The following AGO3 variants were observed in gnomAD, a reference collection of about 807,000 sequenced individuals.
The protein encoded by AGO3 is argonaute RISC catalytic component 3, also known as protein argonaute-3.
Under a neutral mutation model 105.5 loss-of-function variants are expected in AGO3, and 16 were observed. The observed-to-expected ratio is 0.15, with a 90% CI of 0.10 to 0.23. The LOEUF (loss-of-function observed/expected upper bound fraction) is 0.23. Ranked by LOEUF, AGO3 falls within the 10% of genes least tolerant of loss-of-function variation. AGO3 has a pLI of 1.00. For synonymous variants in AGO3, 340 were observed against 367.3 expected (o/e 0.93, Z 0.85); for missense variants, 534 against 1,088.0 (o/e 0.49, Z 7.16).
chr1:36,005,879 T>G, intron 6 of AGO3: 19 of 985,210 alleles, frequency 1.9e-5, no homozygotes, highest in Non-Finnish European at 2.3e-5. Flanking sequence ...GTTTATAGGT[T>G]AAATATTTAT....
intron 6 of AGO3, among the ~76,000 whole-genome samples, chr1:36,007,064 G>A (rs751784801): frequency 6.6e-6 from 1 of 152,150 alleles, no homozygotes; most frequent in Non-Finnish European, 1.5e-5. Context: ...TACTATCCCT[G>A]GCCTCTACTC....
At position 36,057,579 on chromosome 1, in the gene AGO3, G is replaced by A. The variant is rs2148867520; in HGVS notation, c.*1834G>A. 1 of 152,230 alleles carries A rather than the reference G, an allele frequency of 6.6e-6. No homozygotes were observed. Among genetic ancestry groups the A allele is most frequent in the Non-Finnish European group, 1.5e-5 (1 of 68,034 alleles). The allele number at this position is 152,230 out of a possible 1,614,324, so 9.4% of individuals were successfully genotyped here. A position where few individuals can be genotyped will look rare whatever the true frequency, so the allele number is the denominator to read the frequency against. On this transcript the variant is annotated 3_prime_UTR_variant, in exon 19 of 19. Transcript: ENST00000373191. ...GTCTGCATCTTTACCATGGATAGTA[G>A]GAGGAACAGGCACCTCCATAGTTTA...
chr1:35,986,277 A>T (rs1647174555), intron 5 of AGO3, among the ~76,000 whole-genome samples: 1 of 152,276 alleles, frequency 6.6e-6, no homozygotes, highest in Non-Finnish European at 1.5e-5. Flanking sequence ...GAAACAGCCT[A>T]AATTCCTGTC....
chr1:36,061,348 A>G lies in AGO3; in HGVS notation c.*5603A>G, dbSNP rs529512760. 3.9e-5 allele frequency: 6 copies of G among 152,350 alleles called. No homozygotes were observed. In the East Asian group the frequency reaches 7.7e-4, roughly 20 times the overall value. 9.4% of individuals were successfully genotyped at this position (152,350 alleles called of 1,614,324 possible). A position where few individuals can be genotyped will look rare whatever the true frequency, so the allele number is the denominator to read the frequency against. ...TTTTTAAACTAAGGTATAATGGTCA[A>G]GGCTTGTGCTAATATTACCTACTAC... On this transcript the variant is annotated 3_prime_UTR_variant, in exon 19 of 19. Transcript: ENST00000373191.
chr1:36,047,582 G>C (rs917918005), intron 17 of AGO3, among the ~76,000 whole-genome samples: 2 of 152,034 alleles, frequency 1.3e-5, no homozygotes, highest in Non-Finnish European at 2.9e-5. Context: ...AGAAAAATCT[G>C]CTTAATGAAA....
At chr1:36,044,702 A>G (rs1031315429) in intron 17 of AGO3, among the ~76,000 whole-genome samples, 1 of 152,184 alleles carries the variant, frequency 6.6e-6, no homozygotes, top group Middle Eastern at 3.2e-3. Flanking sequence ...TTGGCCTCCC[A>G]AAGTGCGGGG....
chr1:36,004,921 C>T (rs1287650044), intron 6 of AGO3, among the ~76,000 whole-genome samples: 2 of 151,876 alleles, frequency 1.3e-5, no homozygotes, highest in South Asian at 2.1e-4. Flanking sequence ...GTGGGGCTAG[C>T]CTGTTTCATG....
intron 11 of AGO3, among the ~76,000 whole-genome samples, chr1:36,020,423 T>C (rs555498621): frequency 2.0e-5 from 3 of 152,202 alleles, no homozygotes; most frequent in Non-Finnish European, 2.9e-5. Context: ...GTTTTATATA[T>C]CACTCTGTCT....
At chr1:35,999,519 T>C (rs1047696717) in intron 5 of AGO3, among the ~76,000 whole-genome samples, 1 of 152,214 alleles carries the variant, frequency 6.6e-6, no homozygotes, top group African/African-American at 2.4e-5. Flanking sequence ...TAACTCTGTT[T>C]ATTTGATCTT....
chr1:35,942,216 A>G (rs1246666040), intron 1 of AGO3, among the ~76,000 whole-genome samples: 2 of 152,264 alleles, frequency 1.3e-5, no homozygotes, highest in Admixed American at 6.5e-5. Context: ...TCTACACTGA[A>G]TAAAAGTTAT....
chr1:35,954,969 G>A (rs1646537449), intron 2 of AGO3, among the ~76,000 whole-genome samples: 1 of 152,194 alleles, frequency 6.6e-6, no homozygotes, highest in Admixed American at 6.5e-5. Flanking sequence ...TTGTCCAGTG[G>A]ACAGGGAGAA....
chr1:35,952,806 G>A (rs1037570677), intron 2 of AGO3, among the ~76,000 whole-genome samples: 4 of 152,152 alleles, frequency 2.6e-5, no homozygotes, highest in African/African-American at 9.7e-5. Flanking sequence ...GTATGTGTAA[G>A]CACATTCTAT....
At chr1:36,025,390 A>G (rs545338337) in intron 11 of AGO3, among the ~76,000 whole-genome samples, 2 of 135,632 alleles carry the variant, frequency 1.5e-5, no homozygotes, top group East Asian at 2.1e-4. Context: ...TGATTATCTT[A>G]TTTGGCCTTG....
intron 5 of AGO3, among the ~76,000 whole-genome samples, chr1:35,998,996 A>G (rs1274304001): frequency 6.6e-6 from 1 of 152,174 alleles, no homozygotes; most frequent in Non-Finnish European, 1.5e-5. Flanking sequence ...GTCTAGCCCC[A>G]CAGTCTCTTT....
chr1:36,040,177 G>A (rs1005751224), intron 15 of AGO3, 130 bp from the exon 16 acceptor site: 26 of 1,199,290 alleles, frequency 2.2e-5, no homozygotes, highest in Admixed American at 2.8e-5. Flanking sequence ...TCTAATAATC[G>A]TTAAAATGGA....
At chr1:36,017,179 TA>T (rs1264896496) in intron 11 of AGO3, among the ~76,000 whole-genome samples, 1 of 152,178 alleles carries the variant, frequency 6.6e-6, no homozygotes, top group African/African-American at 2.4e-5. Context: ...TGAGAGAATA[TA>T]GTATCCCAGG....
chr1:36,059,539 A>G lies in AGO3; in HGVS notation c.*3794A>G, dbSNP rs1013513014. 2 of 150,764 alleles carry G rather than the reference A, an allele frequency of 1.3e-5. No individual in the cohort carries two copies. The highest frequency in any genetic ancestry group is 4.9e-5 in the African/African-American group (2 of 40,980). The allele number at this position is 150,764 out of a possible 1,614,324, so 9.3% of individuals were successfully genotyped here. A position where few individuals can be genotyped will look rare whatever the true frequency, so the allele number is the denominator to read the frequency against. ...TGTATCTTACGAGACTGACTGTAAA[A>G]TATCAGTCTGGCAACTAGATAATTG... is the stretch of plus-strand genomic sequence containing the variant. On this transcript the variant is annotated 3_prime_UTR_variant, in exon 19 of 19. Transcript: ENST00000373191.
In AGO3 at chr1:36,068,692, T is replaced by C. The variant is rs1356135942; in HGVS notation, c.*12947T>C. On this transcript the variant is annotated 3_prime_UTR_variant, in exon 19 of 19. Transcript: ENST00000373191. ...TTCTAAAATATGTAAAAAATTATAT[T>C]GAATGAATTAATACTTAACCTGTTC... 6.6e-6 allele frequency: 1 copy of C among 152,228 alleles called. No individual in the cohort carries two copies. Among genetic ancestry groups the C allele is most frequent in the Non-Finnish European group, 1.5e-5 (1 of 68,044 alleles). 9.4% of individuals were successfully genotyped at this position (152,228 alleles called of 1,614,324 possible). A position where few individuals can be genotyped will look rare whatever the true frequency, so the allele number is the denominator to read the frequency against.
At chr1:36,046,444 C>G (rs1405940008) in intron 17 of AGO3, among the ~76,000 whole-genome samples, 2 of 151,886 alleles carry the variant, frequency 1.3e-5, no homozygotes, top group Admixed American at 6.6e-5. Context: ...GTAATCCCAG[C>G]ACTTCGGGAG....
Sources: gnomAD v4.1 joint callset for allele counts (sites outside exome capture counted in the v4.1 genomes callset) on GRCh38, gnomAD v4.1.1 for gene constraint, MANE v1.5 for transcripts, NCBI Gene and HGNC (gene_info 2026-07-23, HGNC 2026-07-21) for gene names.